ARSD: variants seen among roughly 807,000 people sequenced by gnomAD.
ARSD encodes arylsulfatase D.
In ARSD, 21 loss-of-function variants were observed where a neutral mutation model predicts 32.6. The observed-to-expected ratio is 0.64, with a 90% CI of 0.46 to 0.93. The LOEUF is 0.93. ARSD is among the 40% of genes least tolerant of loss of function. The pLI is 0.00. For synonymous variants in ARSD, 224 were observed against 237.4 expected (o/e 0.94, Z 0.52); for missense variants, 454 against 520.9 (o/e 0.87, Z 1.25).
intron 6 of ARSD, chrX:2,914,424 G>A (rs1273907896): frequency 1.0e-5 from 5 of 501,905 alleles, no homozygotes; most frequent in South Asian, 6.4e-5. Context: ...GAGATGGGGG[G>A]GGGGGGCGTC....
chrX:2,927,456 C>G (rs1319939984), intron 1 of ARSD, among the ~76,000 whole-genome samples: 1 of 109,548 alleles, frequency 9.1e-6, no homozygotes, highest in Non-Finnish European at 1.9e-5. Context: ...GAGGCCCGGC[C>G]TAATTTTTGT....
At chrX:2,923,793 C>T (rs2089054521) in intron 2 of ARSD, among the ~76,000 whole-genome samples, 1 of 112,301 alleles carries the variant, frequency 8.9e-6, no homozygotes, top group Admixed American at 9.5e-5. Flanking sequence ...AGGACTTCGA[C>T]GTAGGCGTTT....
intron 1 of ARSD, among the ~76,000 whole-genome samples, chrX:2,927,942 G>C (rs771148063): frequency 1.8e-5 from 2 of 111,991 alleles, no homozygotes; most frequent in South Asian, 3.7e-4. Context: ...TTATGTACCC[G>C]GGCCCTTGAG....
chrX:2,911,753 G>C (rs570694536), intron 6 of ARSD, among the ~76,000 whole-genome samples: 1 of 110,438 alleles, frequency 9.1e-6, no homozygotes, highest in African/African-American at 3.3e-5. Context: ...TAGTGGGGGC[G>C]GGGGGAGTGG....
rs1397535691 is a variant in ARSD at position 2,904,150 on chromosome X, T to A, written c.*3121A>T. The A allele has an allele frequency of 9.0e-6, 1 of 111,442 alleles. No individual in the cohort carries two copies. Among genetic ancestry groups the A allele is most frequent in the Non-Finnish European group, 1.9e-5 (1 of 53,143 alleles). The allele number at this position is 111,442 out of a possible 1,213,427, so 9.2% of individuals were successfully genotyped here. A position where few individuals can be genotyped will look rare whatever the true frequency, so the allele number is the denominator to read the frequency against. ...AGAACAGAGGTTGATTTAAACTCCT[T>A]ACACTCACTTCTCAGATCAATGAAT... On this transcript the variant is annotated 3_prime_UTR_variant, in exon 10 of 10. Coordinates refer to ENST00000381154, the MANE Select transcript of ARSD (RefSeq NM_001669.4).
intron 1 of ARSD, among the ~76,000 whole-genome samples, chrX:2,927,649 C>T (rs1323018827): frequency 8.9e-6 from 1 of 112,267 alleles, no homozygotes; most frequent in Non-Finnish European, 1.9e-5. Flanking sequence ...TTCCCTTTGA[C>T]CTTTTCTATT....
At position 2,929,314 on chromosome X, in the gene ARSD, G is replaced by A. The variant is rs2089128465; in HGVS notation, c.-39C>T. ...CCCAGAGCGCAGGACCTTGCCCTGC[G>A]CACTCCGCGCCCGGGCGCCGCTAGT... On this transcript the variant is annotated 5_prime_UTR_variant, in exon 1 of 10. Coordinates refer to ENST00000381154, the MANE Select transcript of ARSD (RefSeq NM_001669.4). 2 of 942,998 alleles carry A rather than the reference G, an allele frequency of 2.1e-6. No individual in the cohort carries two copies. Among genetic ancestry groups the A allele is most frequent in the Non-Finnish European group, 2.6e-6 (2 of 756,238 alleles). 77.7% of individuals were successfully genotyped at this position (942,998 alleles called of 1,213,427 possible).
chrX:2,914,235 C>CT (rs199564452), intron 6 of ARSD: 70,671 of 482,932 alleles, frequency 0.15, 908 homozygotes, highest in East Asian at 0.46. Flanking sequence ...TCTTTTATTT[C>CT]TTTTTTTTTT....
At position 2,913,805 on chromosome X, in the gene ARSD, G is replaced by A. The variant is rs377258991; in HGVS notation, c.1000+1751C>T. 4.7e-5 allele frequency: 38 copies of A among 814,328 alleles called. 1 individual carries two copies. The African/African-American group carries it at 5.5e-4, about 12-fold the overall frequency. 67.1% of individuals were successfully genotyped at this position (814,328 alleles called of 1,213,427 possible). A position where few individuals can be genotyped will look rare whatever the true frequency, so the allele number is the denominator to read the frequency against. Reference sequence around the variant, plus strand: ...TGTCATCCTCAGAATCGGCGGTGGGGCCTGGGGGGAGGTGACTGAATGATG... The same window carrying A: ...TGTCATCCTCAGAATCGGCGGTGGGACCTGGGGGGAGGTGACTGAATGATG... On this transcript the variant is annotated intron_variant, in intron 6 of 9. Coordinates refer to ENST00000381154, the MANE Select transcript of ARSD (RefSeq NM_001669.4).
rs367839948 is a variant in ARSD, at chrX:2,921,896, C to G, written c.316+7G>C. On this transcript the variant is annotated splice_region_variant and intron_variant, in intron 3 of 9. Transcript: ENST00000381154. ...ACCCATTTCTCCATCATCTCCGTGA[C>G]ACCAACCTGATCTGAAGGAATGTCT... The G allele has an allele frequency of 2.3e-5, 28 of 1,207,447 alleles. No individual in the cohort carries two copies. The highest frequency in any genetic ancestry group is 3.0e-5 in the Non-Finnish European group (27 of 893,674).
In ARSD at chrX:2,922,002, C is replaced by T. The variant is rs774964072; in HGVS notation, c.217G>A (p.Ala73Thr). 38 of 1,206,910 alleles carry T rather than the reference C, an allele frequency of 3.1e-5. No individual in the cohort carries two copies. The highest frequency in any genetic ancestry group is 4.3e-5 in the Non-Finnish European group (38 of 893,665). The change falls in exon 3 of 10, where the codon GCA becomes ACA. Residue 73 changes from alanine to threonine, a missense_variant. Coordinates refer to ENST00000381154, the MANE Select transcript of ARSD (RefSeq NM_001669.4). ...TLRTPNIDQL[A>T]EEGVRLTQHL... is the part of the protein sequence containing the mutation. ...TGAGTGAGCCTCACACCTTCCTCTG[C>T]AAGCTGGTCAATATTCGGCGTTCTG...
intron 1 of ARSD, among the ~76,000 whole-genome samples, chrX:2,926,105 A>C (rs754747890): frequency 8.9e-6 from 1 of 112,447 alleles, no homozygotes; most frequent in Admixed American, 9.5e-5. Flanking sequence ...CTTCAAAGCT[A>C]TATGTCTAAG....
intron 6 of ARSD, among the ~76,000 whole-genome samples, chrX:2,911,178 C>A (rs1219897399): frequency 1.8e-5 from 2 of 111,346 alleles, no homozygotes; most frequent in Non-Finnish European, 3.8e-5. Flanking sequence ...TCAAGACCAG[C>A]CTGGCCATTA....
intron 9 of ARSD, among the ~76,000 whole-genome samples, chrX:2,908,195 C>T (rs1019196050): frequency 1.2e-4 from 13 of 110,847 alleles, no homozygotes; most frequent in African/African-American, 4.0e-4. Context: ...ATCTGTCCAT[C>T]CATCTATTCA....
intron 6 of ARSD, chrX:2,914,223 C>T (rs1459703230): frequency 8.0e-6 from 6 of 748,183 alleles, no homozygotes; most frequent in Non-Finnish European, 6.3e-6. Context: ...CCCTATTCTT[C>T]GTCTTTTATT....
chrX:2,917,629 A>G (rs1196679765), intron 5 of ARSD, among the ~76,000 whole-genome samples, 175 bp downstream of exon 5: 2 of 110,283 alleles, frequency 1.8e-5, no homozygotes, highest in Admixed American at 9.7e-5. Context: ...ACACACCACT[A>G]TGCCCGGCTA....
intron 6 of ARSD, among the ~76,000 whole-genome samples, 165 bp from the exon 7 acceptor site, chrX:2,910,958 A>G (rs1332356915): frequency 4.4e-5 from 5 of 112,604 alleles, no homozygotes; most frequent in Non-Finnish European, 9.4e-5. Context: ...AGTGTAAGAC[A>G]TAGCTAATCA....
chrX:2,917,504 C>A (rs1216550004), intron 5 of ARSD, among the ~76,000 whole-genome samples: 2 of 110,143 alleles, frequency 1.8e-5, no homozygotes, highest in Admixed American at 1.9e-4. Context: ...GACAGAGTCT[C>A]ACTCTGTCAC....
chrX:2,910,768 G>A lies in ARSD; in HGVS notation c.1026C>T (p.Asp342=). The A allele has an allele frequency of 8.3e-7, 1 of 1,210,688 alleles. No homozygotes were observed. The highest frequency in any genetic ancestry group is 1.1e-6 in the Non-Finnish European group (1 of 895,061). The change falls in exon 7 of 10, where the codon GAC becomes GAT. Residue 342 remains aspartate, a synonymous_variant. Coordinates refer to ENST00000381154, the MANE Select transcript of ARSD (RefSeq NM_001669.4). ...TGAATGTTGAGTTCTTTAAACCATT[G>A]TCTTCGATGGCATTAAGAACCTTAC... ...LIGKVLNAIE[D]NGLKNSTFTY...
Sources: gnomAD v4.1 joint callset for allele counts (sites outside exome capture counted in the v4.1 genomes callset) on GRCh38, gnomAD v4.1.1 for gene constraint, MANE v1.5 for transcripts, NCBI Gene and HGNC (gene_info 2026-07-23, HGNC 2026-07-21) for gene names.